Variants in UGT1A7 observed in about 807,000 individuals in gnomAD.
UGT1A7 encodes the protein UDP-glucuronosyltransferase 1A7.
UGT1A7 carries 33 observed loss-of-function variants against 45.6 expected under a neutral mutation model. The ratio of observed to expected loss-of-function variants is 0.72; its 90% CI spans 0.55 to 0.97. The LOEUF is 0.97. Among genes scored for constraint, UGT1A7 ranks in the 50% least tolerant of loss-of-function variants. The pLI, the probability that UGT1A7 is intolerant of heterozygous loss-of-function variation, is 0.00. For missense variants in UGT1A7, 684 were observed against 666.2 expected (o/e 1.03, Z -0.29); for synonymous variants, 274 against 250.6 (o/e 1.09, Z -0.88).
At chr2:233,751,762 G>A (rs888611090) in intron 1 of UGT1A7, among the ~76,000 whole-genome samples, 16 of 152,160 alleles carry the variant, frequency 1.1e-4, no homozygotes, top group Non-Finnish European at 2.1e-4. Context: ...TGCCATGTGA[G>A]ACATGACTTT....
chr2:233,750,415 A>C (rs2885296), intron 1 of UGT1A7, among the ~76,000 whole-genome samples: 45,966 of 151,754 alleles, frequency 0.3, 7,352 homozygotes, highest in South Asian at 0.39. Context: ...CATGTGGTAG[A>C]AAAGAAAAAC....
chr2:233,755,098 C>G (rs1292458921), intron 1 of UGT1A7: 1 of 1,334,792 alleles, frequency 7.5e-7, no homozygotes, highest in Non-Finnish European at 1.0e-6. Flanking sequence ...TTCTACGCGT[C>G]CGACAACACC....
chr2:233,685,695 A>G (rs1461664154), intron 1 of UGT1A7, among the ~76,000 whole-genome samples: 3 of 152,218 alleles, frequency 2.0e-5, no homozygotes, highest in Non-Finnish European at 4.4e-5. Context: ...TTCTTAAGTT[A>G]AATAATTTTC....
chr2:233,755,235 C>G (rs1346915931), intron 1 of UGT1A7: 5 of 904,804 alleles, frequency 5.5e-6, no homozygotes, highest in Non-Finnish European at 8.2e-6. Flanking sequence ...CGAGGCCTAC[C>G]GGGGTACTCC....
Position 233,690,972 on chromosome 2 carries a change from C to T in UGT1A7, c.855+8180C>T, listed in dbSNP as rs191302796. On this transcript the variant is annotated intron_variant, in intron 1 of 4. Coordinates refer to ENST00000373426, the MANE Select transcript of UGT1A7 (RefSeq NM_019077.3). Reference sequence around the variant, plus strand: ...CTGTAGGGACTTCTGGGACTAAGAACAGGACCCACATATGAGCAACAGGAT... The same window carrying T: ...CTGTAGGGACTTCTGGGACTAAGAATAGGACCCACATATGAGCAACAGGAT... 157 of 1,003,304 alleles carry T rather than the reference C, an allele frequency of 1.6e-4. 2 individuals are homozygous for T. In the Admixed American group the frequency reaches 8.5e-3, roughly 54 times the overall value. The allele number at this position is 1,003,304 out of a possible 1,614,324, so 62.2% of individuals were successfully genotyped here. A position where few individuals can be genotyped will look rare whatever the true frequency, so the allele number is the denominator to read the frequency against.
chr2:233,744,892 C>T (rs28900378), intron 1 of UGT1A7, among the ~76,000 whole-genome samples: 4,281 of 151,940 alleles, frequency 0.028, 301 homozygotes, highest in African/African-American at 0.097. Context: ...ACCCTCCTCT[C>T]CATACCAAAA....
chr2:233,682,184 C>G lies in UGT1A7; in HGVS notation c.247C>G (p.Leu83Val). The G allele has an allele frequency of 6.2e-7, 1 of 1,614,234 alleles. No individual in the cohort carries two copies. The highest frequency in any genetic ancestry group is 8.5e-7 in the Non-Finnish European group (1 of 1,180,032). The change falls in exon 1 of 5, where the codon CTG (leucine) becomes GTG (valine). Residue 83 changes from leucine to valine, a missense_variant. Leu to Val is a conservative substitution (Grantham distance 32). Transcript: ENST00000373426. ...TVKTYSTSYT[L>V]EDQDREFMVF... ...GAAGACTTACTCAACCTCATACACT[C>G]TGGAGGATCAGGACCGGGAGTTCAT... is the stretch of plus-strand genomic sequence containing the variant.
chr2:233,703,467 T>C (rs1299395084), intron 1 of UGT1A7, among the ~76,000 whole-genome samples: 1 of 152,154 alleles, frequency 6.6e-6, no homozygotes, highest in African/African-American at 2.4e-5. Context: ...CTATTCTTTA[T>C]TATTTTCTGC....
chr2:233,757,560 ATG>A lies in UGT1A7; in HGVS notation c.856-9472_856-9471del, dbSNP rs199649558. The stretch of plus-strand genomic sequence containing the variant: ...AATATATATATATATATATATATAT[ATG>A]TATATATGATATAGCTATAGTCTAA... On this transcript the variant is annotated intron_variant, in intron 1 of 4. Transcript: ENST00000373426. 4.4e-3 allele frequency among the ~76,000 whole-genome samples: 540 copies of A among 123,120 alleles called. 38 individuals are homozygous for A. Among genetic ancestry groups the A allele is most frequent in the African/African-American group, 0.017 (503 of 29,340 alleles). 80.8% of individuals were successfully genotyped at this position (123,120 alleles called of 152,430 possible). A position where few individuals can be genotyped will look rare whatever the true frequency, so the allele number is the denominator to read the frequency against.
At chr2:233,763,225 G>A (rs537625266) in intron 1 of UGT1A7, among the ~76,000 whole-genome samples, 20 of 152,258 alleles carry the variant, frequency 1.3e-4, no homozygotes, top group African/African-American at 4.3e-4. Context: ...GTGAAAATAT[G>A]TTTTTAAATT....
intron 1 of UGT1A7, chr2:233,755,291 C>T (rs1483791202): frequency 1.2e-5 from 8 of 651,216 alleles, no homozygotes; most frequent in Non-Finnish European, 1.9e-5. Context: ...AAAGAGCCTG[C>T]GGGGCACTGG....
intron 1 of UGT1A7, among the ~76,000 whole-genome samples, chr2:233,688,830 A>G (rs2074915301): frequency 6.6e-6 from 1 of 152,166 alleles, no homozygotes; most frequent in African/African-American, 2.4e-5. Flanking sequence ...ACTTTGAAAG[A>G]AAAGGATGTA....
intron 1 of UGT1A7, among the ~76,000 whole-genome samples, chr2:233,698,952 C>T (rs990930969): frequency 6.6e-6 from 1 of 152,240 alleles, no homozygotes; most frequent in Admixed American, 6.5e-5. Context: ...TCTGTCCAAG[C>T]TGGCCCTTGG....
At chr2:233,761,146 T>A in intron 1 of UGT1A7, 1 of 1,614,232 alleles carries the variant, frequency 6.2e-7, no homozygotes, top group Non-Finnish European at 8.5e-7. Flanking sequence ...AAATCCACTA[T>A]CCCAGGTGTG....
rs1699778109 is a variant in UGT1A7 at position 233,769,042 on chromosome 2, T to C, written c.1295+603T>C. Reference sequence around the variant, plus strand: ...AAAAGTTGCCATAATAGACATCTGATCCATAAGTTTCCTGCACAGAAAGAA... The same window carrying C: ...AAAAGTTGCCATAATAGACATCTGACCCATAAGTTTCCTGCACAGAAAGAA... On this transcript the variant is annotated intron_variant, in intron 4 of 4. Transcript: ENST00000373426. This position sits in a 1 kb window ranked among gnomAD's most constrained non-coding sequence, Gnocchi z 4.4. 1.3e-5 allele frequency among the ~76,000 whole-genome samples: 2 copies of C among 152,190 alleles called. No individual in the cohort carries two copies. The highest frequency in any genetic ancestry group is 2.9e-5 in the Non-Finnish European group (2 of 68,040).
chr2:233,684,912 C>T (rs1330280300), intron 1 of UGT1A7, among the ~76,000 whole-genome samples: 1 of 151,772 alleles, frequency 6.6e-6, no homozygotes, highest in East Asian at 1.9e-4. Flanking sequence ...TTTTTTGTAC[C>T]TTGTTAGACA....
intron 1 of UGT1A7, among the ~76,000 whole-genome samples, chr2:233,757,296 G>A (rs1428870685): frequency 7.7e-6 from 1 of 129,554 alleles, no homozygotes; most frequent in African/African-American, 2.9e-5. Flanking sequence ...ACAGCTGGGG[G>A]TTGGGGGACA....
Position 233,769,781 on chromosome 2 carries a change from G to A in UGT1A7, c.1295+1342G>A. On this transcript the variant is annotated intron_variant, in intron 4 of 4. Coordinates refer to ENST00000373426, the MANE Select transcript of UGT1A7 (RefSeq NM_019077.3). The surrounding 1 kb of genome is among the most constrained non-coding windows in gnomAD (Gnocchi z 4.4). ...AAGGCGGGAGGATTGCTTGAGCCCAGAAGTTGGAGGCTGCTATGAGCCGTG... is the reference window on the plus strand; with the variant it reads ...AAGGCGGGAGGATTGCTTGAGCCCAAAAGTTGGAGGCTGCTATGAGCCGTG... 1 of 1,329,528 alleles carries A rather than the reference G, an allele frequency of 7.5e-7. No homozygotes were observed. The highest frequency in any genetic ancestry group is 9.9e-7 in the Non-Finnish European group (1 of 1,014,222). 82.4% of individuals were successfully genotyped at this position (1,329,528 alleles called of 1,614,324 possible). A position where few individuals can be genotyped will look rare whatever the true frequency, so the allele number is the denominator to read the frequency against.
At chr2:233,693,353 ATTGT>A (rs1559346236) in intron 1 of UGT1A7, 1 of 1,614,132 alleles carries the variant, frequency 6.2e-7, no homozygotes, top group East Asian at 2.2e-5. Context: ...GAATAACATG[ATTGT>A]TATTGGCCTG....
Sources: allele counts gnomAD v4.1 joint callset (sites outside exome capture counted in the v4.1 genomes callset), GRCh38; gene constraint gnomAD v4.1.1; non-coding constraint Gnocchi (gnomAD v3.1); transcripts MANE v1.5; gene names NCBI Gene and HGNC (gene_info 2026-07-23, HGNC 2026-07-21).